The following SHISA9 variants were observed in gnomAD, a reference collection of about 807,000 sequenced individuals.
The protein encoded by SHISA9 is protein shisa-9.
In SHISA9, 13 loss-of-function variants were observed where a neutral mutation model predicts 38.0. The observed-to-expected ratio is 0.34, with a 90% CI of 0.22 to 0.54. SHISA9 has a LOEUF of 0.54. SHISA9 is among the 20% of genes least tolerant of loss of function. SHISA9 has a pLI of 0.91. For synonymous variants in SHISA9, 275 were observed against 242.0 expected (o/e 1.14, Z -1.27); for missense variants, 538 against 575.8 (o/e 0.93, Z 0.67).
At chr16:13,140,729 G>A (rs958566199) in intron 2 of SHISA9, among the ~76,000 whole-genome samples, 1 of 152,204 alleles carries the variant, frequency 6.6e-6, no homozygotes, top group Admixed American at 6.5e-5. Flanking sequence ...ATAGGAACAT[G>A]TGGACAGCAG....
chr16:13,375,389 T>C, the SHISA9 span, among the ~76,000 whole-genome samples: 1 of 152,222 alleles, frequency 6.6e-6, no homozygotes, highest in East Asian at 1.9e-4. Flanking sequence ...TTTCTACATA[T>C]GGCTAGCCAG....
At chr16:13,462,578 C>G in the SHISA9 span, among the ~76,000 whole-genome samples, 1 of 152,098 alleles carries the variant, frequency 6.6e-6, no homozygotes, top group African/African-American at 2.4e-5. Flanking sequence ...AATCCCAGCA[C>G]TTTGGGAGGC....
the SHISA9 span, among the ~76,000 whole-genome samples, chr16:13,373,483 C>T: frequency 4.5e-4 from 69 of 152,272 alleles, 1 homozygote; most frequent in African/African-American, 1.4e-3. Flanking sequence ...AGTGATGAGG[C>T]TGGGCGTGGT....
the SHISA9 span, among the ~76,000 whole-genome samples, chr16:13,318,259 C>G: frequency 6.6e-6 from 1 of 152,148 alleles, no homozygotes; most frequent in African/African-American, 2.4e-5. Flanking sequence ...CATCCCTGGT[C>G]TCTACTTCTA....
At chr16:13,069,370 G>A (rs570326958) in intron 2 of SHISA9, among the ~76,000 whole-genome samples, 13 of 150,824 alleles carry the variant, frequency 8.6e-5, no homozygotes, top group African/African-American at 2.4e-4. Flanking sequence ...GCATGTGTAC[G>A]TGTGTGTACA....
At chr16:13,337,012 A>G in the SHISA9 span, among the ~76,000 whole-genome samples, 34 of 152,332 alleles carry the variant, frequency 2.2e-4, no homozygotes, top group Non-Finnish European at 4.1e-4. Context: ...TGAAACAAAA[A>G]CAGCAATGAC....
chr16:13,482,051 A>G, the SHISA9 span, among the ~76,000 whole-genome samples: 1 of 152,180 alleles, frequency 6.6e-6, no homozygotes, highest in Non-Finnish European at 1.5e-5. Flanking sequence ...GCCCTTCCAG[A>G]TCCGCATCTG....
At chr16:13,295,916 C>T in the SHISA9 span, among the ~76,000 whole-genome samples, 1 of 152,110 alleles carries the variant, frequency 6.6e-6, no homozygotes, top group Non-Finnish European at 1.5e-5. Context: ...TTGAATTGCC[C>T]AAAGTCATAA....
the SHISA9 span, among the ~76,000 whole-genome samples, chr16:13,382,714 C>G: frequency 6.6e-6 from 1 of 151,136 alleles, no homozygotes; most frequent in South Asian, 2.1e-4. Flanking sequence ...AAAAATTAGC[C>G]GGGTGTTGTG....
chr16:12,937,389 C>G (rs2071548508), intron 2 of SHISA9, among the ~76,000 whole-genome samples: 1 of 152,246 alleles, frequency 6.6e-6, no homozygotes, highest in African/African-American at 2.4e-5. Context: ...AGTTTATTGT[C>G]TGTTCTCACA....
At chr16:13,001,378 C>A (rs757730482) in intron 2 of SHISA9, among the ~76,000 whole-genome samples, 4 of 152,118 alleles carry the variant, frequency 2.6e-5, no homozygotes, top group Non-Finnish European at 5.9e-5. Flanking sequence ...GACTAAGGAT[C>A]GGGGGGCCTT....
chr16:13,433,989 A>G, the SHISA9 span, among the ~76,000 whole-genome samples: 1 of 152,374 alleles, frequency 6.6e-6, no homozygotes, highest in Middle Eastern at 3.4e-3. Context: ...GTGAGGTCCC[A>G]TAATAAGCCG....
the SHISA9 span, among the ~76,000 whole-genome samples, chr16:13,407,150 T>C: frequency 7.0e-6 from 1 of 143,320 alleles, no homozygotes; most frequent in South Asian, 2.4e-4. Context: ...CAAGCTACCA[T>C]AGACTGGGTG....
At chr16:13,499,937 C>T in the SHISA9 span, among the ~76,000 whole-genome samples, 1 of 152,178 alleles carries the variant, frequency 6.6e-6, no homozygotes, top group South Asian at 2.1e-4. Context: ...ACACATGCAG[C>T]CCTCAGAGGC....
Position 13,203,661 on chromosome 16 carries a change from C to CT in SHISA9, c.847+119dup, listed in dbSNP as rs565620755. The CT allele has an allele frequency of 2.5e-4, 283 of 1,153,804 alleles. 1 individual carries two copies. The African/African-American group carries it at 4.1e-3, about 17-fold the overall frequency. The allele number at this position is 1,153,804 out of a possible 1,614,324, so 71.5% of individuals were successfully genotyped here. On this transcript the variant is annotated intron_variant, in intron 3 of 4. Coordinates refer to ENST00000558583, the MANE Select transcript of SHISA9 (RefSeq NM_001145204.3). Reference sequence around the variant, plus strand: ...TTTCCTAATTCCTTTTTCTAGCTCTCTTTTTTTCTCTTTCTGCTTTTCTCT... The same window carrying CT: ...TTTCCTAATTCCTTTTTCTAGCTCTCTTTTTTTTCTCTTTCTGCTTTTCTCT...
the SHISA9 span, among the ~76,000 whole-genome samples, chr16:13,429,327 A>T: frequency 6.6e-6 from 1 of 152,316 alleles, no homozygotes; most frequent in East Asian, 1.9e-4. Context: ...GTGCAAGCCA[A>T]CAGAGTTGGT....
At chr16:13,558,707 A>G in the SHISA9 span, among the ~76,000 whole-genome samples, 4 of 152,218 alleles carry the variant, frequency 2.6e-5, no homozygotes, top group East Asian at 7.7e-4. Flanking sequence ...TATTTGGGGA[A>G]CAATTTTAAA....
At chr16:13,038,125 G>T (rs1239146766) in intron 2 of SHISA9, among the ~76,000 whole-genome samples, 1 of 152,172 alleles carries the variant, frequency 6.6e-6, no homozygotes, top group Non-Finnish European at 1.5e-5. Context: ...GAGTAGCTGG[G>T]ATTACAGGTG....
intron 2 of SHISA9, among the ~76,000 whole-genome samples, chr16:12,992,956 A>G (rs1254557285): frequency 2.6e-5 from 4 of 152,266 alleles, no homozygotes; most frequent in Non-Finnish European, 5.9e-5. Context: ...ATTGAGGCAT[A>G]GGAAGATTAC....
Sources: gnomAD v4.1 joint callset for allele counts (sites outside exome capture counted in the v4.1 genomes callset) on GRCh38, gnomAD v4.1.1 for gene constraint, MANE v1.5 for transcripts, NCBI Gene and HGNC (gene_info 2026-07-23, HGNC 2026-07-21) for gene names.